ADAM18: variants seen among roughly 807,000 people sequenced by gnomAD.
ADAM18 encodes disintegrin and metalloproteinase domain-containing protein 18.
In ADAM18, 117 loss-of-function variants were observed where a neutral mutation model predicts 94.4. The observed-to-expected ratio is 1.24, with a 90% confidence interval of 1.07 to 1.45. ADAM18 has a LOEUF of 1.45. Ranked by LOEUF, ADAM18 falls within the 40% of genes most tolerant of loss-of-function variation. The pLI, the probability that ADAM18 is intolerant of heterozygous loss-of-function variation, is 0.00. For synonymous variants in ADAM18, 327 were observed against 291.6 expected, an observed-to-expected ratio of 1.12 and a Z score of -1.24; for missense variants, 936 against 880.0, an observed-to-expected ratio of 1.06 and a Z score of -0.81.
At chr8:39,637,055 A>ATATATACATATATATATATATG (rs1820098174) in intron 7 of ADAM18, among the ~76,000 whole-genome samples, 1 of 138,546 alleles carries the variant, frequency 7.2e-6, no homozygotes, top group African/African-American at 2.7e-5. Context: ...ATATATATAT[A>ATATATACATATATATATATATG]TATATATATA....
At chr8:39,668,889 C>A (rs1421685125) in intron 14 of ADAM18, among the ~76,000 whole-genome samples, 1 of 151,784 alleles carries the variant, frequency 6.6e-6, no homozygotes, top group Non-Finnish European at 1.5e-5. Flanking sequence ...ATAATTTGTA[C>A]CAAATTACAT....
chr8:39,718,664 A>T (rs768474020), intron 18 of ADAM18, among the ~76,000 whole-genome samples: 1 of 150,168 alleles, frequency 6.7e-6, no homozygotes, highest in Non-Finnish European at 1.5e-5. Context: ...AACAATAAGT[A>T]CACTTAAAAC....
intron 10 of ADAM18, among the ~76,000 whole-genome samples, chr8:39,644,699 G>A (rs1336677961): frequency 6.6e-6 from 1 of 151,976 alleles, no homozygotes. Context: ...CCCCCTATAC[G>A]TATACATAAT....
In ADAM18 at chr8:39,624,042, T is replaced by C. The variant is rs542430046; in HGVS notation, c.523-5332T>C. 7.2e-5 allele frequency among the ~76,000 whole-genome samples: 11 copies of C among 152,334 alleles called. 1 individual carries two copies. The South Asian group carries it at 2.3e-3, about 32-fold the overall frequency. On this transcript the variant is annotated intron_variant, in intron 6 of 19. Transcript: ENST00000265707. Reference sequence around the variant, plus strand: ...CTGATTTGTTTGAGTTCCTTGTATATTTTGGATATTAGTCCTTTGTCAGAT... The same window carrying C: ...CTGATTTGTTTGAGTTCCTTGTATACTTTGGATATTAGTCCTTTGTCAGAT...
intron 16 of ADAM18, among the ~76,000 whole-genome samples, chr8:39,686,055 C>G (rs189867469): frequency 6.6e-6 from 1 of 152,162 alleles, no homozygotes; most frequent in Non-Finnish European, 1.5e-5. Context: ...CTGAGGTTTT[C>G]TCTAAAGCTG....
At chr8:39,709,465 T>G (rs1338017555) in intron 18 of ADAM18, among the ~76,000 whole-genome samples, 1 of 152,194 alleles carries the variant, frequency 6.6e-6, no homozygotes, top group Non-Finnish European at 1.5e-5. Context: ...AACAGGGATA[T>G]TAGTTCTCAC....
At chr8:39,660,974 A>G (rs967499673) in intron 12 of ADAM18, among the ~76,000 whole-genome samples, 5 of 152,018 alleles carry the variant, frequency 3.3e-5, no homozygotes, top group Admixed American at 6.6e-5. Flanking sequence ...ATAGGTGATA[A>G]TGTTGGTTTG....
chr8:39,608,502 G>C lies in ADAM18; in HGVS notation c.189-540G>C, dbSNP rs939223912. Among the ~76,000 whole-genome samples the C allele has an allele frequency of 5.3e-5, 8 of 151,660 alleles. 1 individual carries two copies. The South Asian group carries it at 1.5e-3, about 28-fold the overall frequency. On this transcript the variant is annotated intron_variant, in intron 3 of 19. Coordinates refer to ENST00000265707, the MANE Select transcript of ADAM18 (RefSeq NM_014237.3). The stretch of plus-strand genomic sequence containing the variant: ...TTGTACAAAGCATATTTCTGCTTGA[G>C]GGTCCTTGCATTTTCTATTAATTCT...
chr8:39,707,131 T>C (rs1822263273), intron 18 of ADAM18, among the ~76,000 whole-genome samples: 1 of 152,172 alleles, frequency 6.6e-6, no homozygotes, highest in Admixed American at 6.5e-5. Context: ...ATGATAAAGA[T>C]CATCAATCAG....
intron 17 of ADAM18, among the ~76,000 whole-genome samples, chr8:39,705,917 TG>T (rs1442205318): frequency 2.0e-5 from 3 of 152,224 alleles, no homozygotes; most frequent in Non-Finnish European, 4.4e-5. Flanking sequence ...GGATATTATT[TG>T]GTAAAAATCT....
Position 39,663,902 on chromosome 8 carries a change from A to G in ADAM18, c.1326+12A>G, listed in dbSNP as rs772975048. 6.4e-7 allele frequency: 1 copy of G among 1,569,556 alleles called. No homozygotes were observed. Among genetic ancestry groups the G allele is most frequent in the Non-Finnish European group, 8.7e-7 (1 of 1,148,446 alleles). Reference sequence around the variant, plus strand: ...CATCAAAGTGTGAGGTAAGTTACTAACATTCATTAAAAGCAAATTGAACTG... The same window carrying G: ...CATCAAAGTGTGAGGTAAGTTACTAGCATTCATTAAAAGCAAATTGAACTG... On this transcript the variant is annotated intron_variant, in intron 13 of 19. Transcript: ENST00000265707.
chr8:39,691,354 A>T (rs1005268081), intron 16 of ADAM18, among the ~76,000 whole-genome samples: 9 of 152,128 alleles, frequency 5.9e-5, no homozygotes, highest in African/African-American at 1.4e-4. Flanking sequence ...AGAAAGGGTA[A>T]CTCTTATACA....
chr8:39,654,805 T>C (rs1820641757), intron 12 of ADAM18, among the ~76,000 whole-genome samples: 1 of 152,156 alleles, frequency 6.6e-6, no homozygotes, highest in Non-Finnish European at 1.5e-5. Flanking sequence ...CTGATGAATG[T>C]TTTCTTCATA....
intron 15 of ADAM18, among the ~76,000 whole-genome samples, chr8:39,678,755 G>A (rs186914456): frequency 3.9e-4 from 59 of 152,282 alleles, no homozygotes; most frequent in African/African-American, 1.4e-3. Context: ...TAGCAAACAT[G>A]ACTCCATTGG....
intron 2 of ADAM18, among the ~76,000 whole-genome samples, chr8:39,592,836 TA>T (rs1818616437): frequency 6.6e-6 from 1 of 152,142 alleles, no homozygotes; most frequent in Non-Finnish European, 1.5e-5. Context: ...AATAACAATT[TA>T]AAAAGTGCTA....
rs1293650602 is a variant in ADAM18, at chr8:39,638,371, T to G, written c.828-94T>G. On this transcript the variant is annotated intron_variant, in intron 9 of 19. Transcript: ENST00000265707. ...GAAGCTTTATATATTTGCAAAGTCA[T>G]TTTTAAAATTTTATGTGAAGAAGGT... The G allele has an allele frequency of 1.9e-5, 15 of 777,442 alleles. No individual in the cohort carries two copies. The East Asian group carries it at 4.2e-4, about 22-fold the overall frequency. The allele number at this position is 777,442 out of a possible 1,614,324, so 48.2% of individuals were successfully genotyped here.
intron 12 of ADAM18, among the ~76,000 whole-genome samples, chr8:39,649,807 C>T (rs1820477958): frequency 9.5e-6 from 1 of 105,700 alleles, no homozygotes; most frequent in Non-Finnish European, 2.3e-5. Flanking sequence ...ATGGTGAGTA[C>T]CAGATTCCTT....
chr8:39,607,508 G>A (rs1819123240), intron 3 of ADAM18, among the ~76,000 whole-genome samples: 1 of 152,110 alleles, frequency 6.6e-6, no homozygotes, highest in Non-Finnish European at 1.5e-5. Flanking sequence ...CTCCACAAGT[G>A]TTTTCTGATA....
chr8:39,608,108 G>A (rs188500728), intron 3 of ADAM18, among the ~76,000 whole-genome samples: 5 of 151,918 alleles, frequency 3.3e-5, no homozygotes, highest in Admixed American at 1.3e-4. Context: ...GTAAAAAGTC[G>A]GAGTCATACT....
Sources: gnomAD v4.1 joint callset for allele counts (sites outside exome capture counted in the v4.1 genomes callset) on GRCh38, gnomAD v4.1.1 for gene constraint, MANE v1.5 for transcripts, NCBI Gene and HGNC (gene_info 2026-07-23, HGNC 2026-07-21) for gene names.